UROS: variants seen among roughly 807,000 people sequenced by gnomAD.
UROS encodes uroporphyrinogen III synthase.
UROS carries 18 observed loss-of-function variants against 33.0 expected under a neutral mutation model. The observed-to-expected ratio is 0.55, with a 90% CI of 0.38 to 0.81. The LOEUF (loss-of-function observed/expected upper bound fraction) is 0.81, where lower values mean the gene tolerates loss of function less well. Among genes scored for constraint, UROS ranks in the 30% least tolerant of loss-of-function variants. The probability of loss-of-function intolerance (pLI) is 0.00; values close to 1 mark genes in which losing one functional copy is unlikely to be tolerated. For missense variants in UROS, 293 were observed against 314.9 expected, an observed-to-expected ratio of 0.93 and a Z score of 0.53; for synonymous variants, 114 against 121.1, an observed-to-expected ratio of 0.94 and a Z score of 0.38.
At chr10:125,814,282 C>A (rs545377295) in intron 4 of UROS, among the ~76,000 whole-genome samples, 1 of 152,274 alleles carries the variant, frequency 6.6e-6, no homozygotes, top group South Asian at 2.1e-4. Flanking sequence ...CACTCCAAAG[C>A]CCTTGCATAA....
Position 125,816,489 on chromosome 10 carries a change from A to G in UROS, c.11T>C (p.Leu4Pro). ...ATCTTCCTTCGCATCCTTCAGTAAAAGAACCTTCATTATTGCCTGGCAGTC... is the reference window on the plus strand; with the variant it reads ...ATCTTCCTTCGCATCCTTCAGTAAAGGAACCTTCATTATTGCCTGGCAGTC... MKV[L>P]LLKDAKEDDC... The change falls in exon 2 of 10, where the codon CTT (leucine) becomes CCT (proline). Residue 4 changes from leucine (L) to proline (P), a missense_variant. Coordinates refer to ENST00000368797, the MANE Select transcript of UROS (RefSeq NM_000375.3). 1 of 1,614,210 alleles carries G rather than the reference A, an allele frequency of 6.2e-7. No individual in the cohort carries two copies. Among genetic ancestry groups the G allele is most frequent in the Non-Finnish European group, 8.5e-7 (1 of 1,180,032 alleles).
At chr10:125,819,129 C>T (rs1290098165) in intron 1 of UROS, among the ~76,000 whole-genome samples, 10 of 152,148 alleles carry the variant, frequency 6.6e-5, no homozygotes, top group Admixed American at 5.9e-4. Flanking sequence ...GGACTACAGG[C>T]ATGCGCCACC....
chr10:125,814,457 T>G (rs1358985822), intron 4 of UROS, among the ~76,000 whole-genome samples: 4 of 152,152 alleles, frequency 2.6e-5, no homozygotes, highest in Non-Finnish European at 4.4e-5. Context: ...CTCTGGATTG[T>G]TATCTAGGGT....
In UROS at chr10:125,803,062, T is replaced by C. The variant is rs1321920274; in HGVS notation, c.394+4351A>G. ...AAATGAGCATATTTTGGACTTGGAC[T>C]AAGTATCTTTTAGAAGCACACAGAG... On this transcript the variant is annotated intron_variant, in intron 6 of 9. Transcript: ENST00000368797. 4 of 1,612,700 alleles carry C rather than the reference T, an allele frequency of 2.5e-6. No individual in the cohort carries two copies. The South Asian group carries it at 3.3e-5, about 13-fold the overall frequency.
At chr10:125,787,945 A>G (rs1001073961), downstream of UROS, among the ~76,000 whole-genome samples, 5 of 152,178 alleles carry the variant, frequency 3.3e-5, no homozygotes, top group Non-Finnish European at 7.3e-5. Context: ...ACTCACTAGC[A>G]TGTGACCCTG....
chr10:125,794,350 C>T, intron 9 of UROS: 1 of 996,646 alleles, frequency 1.0e-6, no homozygotes, highest in Non-Finnish European at 1.2e-6. Flanking sequence ...CATCCTGCAC[C>T]CTCTCCTCAG....
chr10:125,796,145 G>T lies in UROS; in HGVS notation c.519C>A (p.His173Gln), dbSNP rs1564778497. The T allele has an allele frequency of 6.2e-7, 1 of 1,614,066 alleles. No homozygotes were observed. The highest frequency in any genetic ancestry group is 1.7e-5 in the Admixed American group (1 of 59,998). The change falls in exon 8 of 10, where the codon CAC (histidine) becomes CAA (glutamine). Residue 173 changes from histidine (H) to glutamine (Q), a missense_variant. His to Gln is a conservative substitution (Grantham distance 24). Transcript: ENST00000368797. ...TGTTCAGGTTCCCTTGGATTCCTGGGTGTGCAACTGTCTGATACACAGTTA... is the reference window on the plus strand; with the variant it reads ...TGTTCAGGTTCCCTTGGATTCCTGGTTGTGCAACTGTCTGATACACAGTTA... ...ESITVYQTVA[H>Q]PGIQGNLNSY...
At chr10:125,815,725 G>C (rs1853260187) in intron 3 of UROS, among the ~76,000 whole-genome samples, 1 of 152,232 alleles carries the variant, frequency 6.6e-6, no homozygotes, top group Admixed American at 6.5e-5. Flanking sequence ...AACTGAAGTT[G>C]TGGGCAGAAG....
In UROS at chr10:125,790,498, G is replaced by A. The variant is rs777262054; in HGVS notation, c.661-1493C>T. On this transcript the variant is annotated intron_variant, in intron 9 of 9. Transcript: ENST00000368797. ...GAATGGGAGAAAATTTTTACAAATC[G>A]TATGTCTGATAAAAAGTTTGTATTT... is the stretch of plus-strand genomic sequence containing the variant. Among the ~76,000 whole-genome samples the A allele has an allele frequency of 7.2e-5, 11 of 152,262 alleles. No homozygotes were observed. In the South Asian group the frequency reaches 1.2e-3, roughly 17 times the overall value.
At chr10:125,807,059 A>C (rs776071357) in intron 6 of UROS, 2 of 267,702 alleles carry the variant, frequency 7.5e-6, no homozygotes, top group Non-Finnish European at 1.5e-5. Context: ...GCTCCTGAGA[A>C]GGGAAAGGAC....
intron 7 of UROS, 61 bp from the exon 8 acceptor site, chr10:125,796,249 C>G: frequency 1.3e-6 from 2 of 1,505,098 alleles, no homozygotes; most frequent in South Asian, 2.3e-5. Flanking sequence ...GGGCCTCCAC[C>G]ACTTCACAGC....
intron 3 of UROS, 94 bp from the exon 4 acceptor site, chr10:125,815,224 T>C (rs532293558): frequency 7.3e-7 from 1 of 1,367,158 alleles, no homozygotes; most frequent in Admixed American, 1.9e-5. Flanking sequence ...TGCTTCACAA[T>C]AGTAGTAGGC....
At chr10:125,809,799 A>G (rs10901443) in intron 5 of UROS, among the ~76,000 whole-genome samples, 64,242 of 152,060 alleles carry the variant, frequency 0.42, 13,836 homozygotes, top group Non-Finnish European at 0.47. Context: ...TCTTAAGTTC[A>G]AGTGATCTGC....
downstream of UROS, among the ~76,000 whole-genome samples, chr10:125,786,707 T>A (rs1421104843): frequency 6.6e-6 from 1 of 152,196 alleles, no homozygotes; most frequent in African/African-American, 2.4e-5. Flanking sequence ...CACTGAGCCA[T>A]AGAATGATTA....
At position 125,812,243 on chromosome 10, in the gene UROS, T is replaced by C. The variant is rs374705433; in HGVS notation, c.290A>G (p.Tyr97Cys). The change falls in exon 5 of 10, where the codon TAT (tyrosine) becomes TGT (cysteine). Residue 97 changes from tyrosine (Y) to cysteine (C), a missense_variant. Coordinates refer to ENST00000368797, the MANE Select transcript of UROS (RefSeq NM_000375.3). ...LKEKWNAKSV[Y>C]VVGNATASLV... is the part of the protein sequence containing the mutation. ...AGAAGCAGTAGCATTTCCAACCACATACACTGACTTGGCATTCCATTTTTC... is the reference window on the plus strand; with the variant it reads ...AGAAGCAGTAGCATTTCCAACCACACACACTGACTTGGCATTCCATTTTTC... The C allele has an allele frequency of 1.2e-6, 2 of 1,613,852 alleles. No individual in the cohort carries two copies. The highest frequency in any genetic ancestry group is 1.3e-5 in the African/African-American group (1 of 74,932).
chr10:125,786,024 G>T (rs1850624849), downstream of UROS, among the ~76,000 whole-genome samples: 2 of 152,198 alleles, frequency 1.3e-5, no homozygotes, highest in African/African-American at 4.8e-5. Context: ...TCTGTTTGGA[G>T]CTGGCAGGGT....
At chr10:125,819,191 C>A (rs1853627741) in intron 1 of UROS, among the ~76,000 whole-genome samples, 1 of 152,184 alleles carries the variant, frequency 6.6e-6, no homozygotes, top group Non-Finnish European at 1.5e-5. Flanking sequence ...AGCATGTTGG[C>A]CAGGATGGTC....
At chr10:125,800,481 T>C (rs1851751570) in intron 6 of UROS, among the ~76,000 whole-genome samples, 1 of 152,086 alleles carries the variant, frequency 6.6e-6, no homozygotes, top group African/African-American at 2.4e-5. Flanking sequence ...TCAGCTCATG[T>C]GTGGTACCCC....
chr10:125,810,503 T>A (rs1294751757), intron 5 of UROS, among the ~76,000 whole-genome samples: 1 of 152,152 alleles, frequency 6.6e-6, no homozygotes, highest in Non-Finnish European at 1.5e-5. Flanking sequence ...GACCATGGCC[T>A]GGTTACAGAG....
Sources: allele counts gnomAD v4.1 joint callset (sites outside exome capture counted in the v4.1 genomes callset), GRCh38; gene constraint gnomAD v4.1.1; transcripts MANE v1.5; gene names NCBI Gene and HGNC (gene_info 2026-07-23, HGNC 2026-07-21).